The following GRM1 variants were observed in gnomAD, a reference collection of about 807,000 sequenced individuals.
The protein encoded by GRM1 is glutamate metabotropic receptor 1.
GRM1 carries 33 observed loss-of-function variants against 90.9 expected under a neutral mutation model. That is an observed-to-expected ratio of 0.36 (90% confidence interval 0.28 to 0.49). GRM1 has a LOEUF of 0.49. GRM1 is among the 20% of genes least tolerant of loss of function. GRM1 has a pLI of 0.99. For missense variants in GRM1, 1,190 were observed against 1,534.3 expected (o/e 0.78, Z 3.75); for synonymous variants, 700 against 613.2 (o/e 1.14, Z -2.09).
intron 2 of GRM1, among the ~76,000 whole-genome samples, chr6:146,252,526 T>C (rs1180271789): frequency 1.3e-5 from 2 of 151,980 alleles, no homozygotes; most frequent in African/African-American, 4.8e-5. Flanking sequence ...GCAGGAGAAT[T>C]GTTTGAACCC....
At chr6:146,233,509 C>A (rs1780517291) in intron 2 of GRM1, among the ~76,000 whole-genome samples, 1 of 152,036 alleles carries the variant, frequency 6.6e-6, no homozygotes, top group Non-Finnish European at 1.5e-5. Context: ...TTCATTTTTA[C>A]TTAAGCCAAA....
At chr6:146,060,967 T>C (rs113910855) in intron 1 of GRM1, among the ~76,000 whole-genome samples, 1,557 of 152,240 alleles carry the variant, frequency 0.01, 22 homozygotes, top group African/African-American at 0.036. Context: ...TGGTATCTCA[T>C]TGTGGTTTTG....
At chr6:146,224,986 C>A (rs1166753006) in intron 2 of GRM1, among the ~76,000 whole-genome samples, 4 of 152,112 alleles carry the variant, frequency 2.6e-5, no homozygotes, top group African/African-American at 4.8e-5. Context: ...ACAGGAGATG[C>A]ATCCCCTTCA....
Position 146,434,473 on chromosome 6 carries a change from G to A in GRM1, c.3262G>A (p.Glu1088Lys). 1 of 1,614,064 alleles carries A rather than the reference G, an allele frequency of 6.2e-7. No homozygotes were observed. Among genetic ancestry groups the A allele is most frequent in the Non-Finnish European group, 8.5e-7 (1 of 1,180,028 alleles). ...LPLQLSTFGE[E>K]LVSPPADDDD... Reference sequence around the variant, plus strand: ...GCTGCAGCTGAGCACCTTTGGGGAGGAGCTGGTCTCCCCGCCCGCGGACGA... The same window carrying A: ...GCTGCAGCTGAGCACCTTTGGGGAGAAGCTGGTCTCCCCGCCCGCGGACGA... The change falls in exon 8 of 8, where the codon GAG (glutamate) becomes AAG (lysine). Residue 1088 changes from glutamate (E) to lysine (K), a missense_variant. Physicochemically the swap from Glu to Lys is moderately conservative, Grantham distance 56. Around this residue, in one of 10 missense-constraint regions of GRM1, gnomAD observed 400 missense variants for 360.8 expected, o/e 1.11. Transcript: ENST00000282753.
intron 2 of GRM1, among the ~76,000 whole-genome samples, chr6:146,197,357 A>T (rs1779157187): frequency 6.6e-6 from 1 of 152,272 alleles, no homozygotes; most frequent in Non-Finnish European, 1.5e-5. Context: ...CAGAGTCTTT[A>T]AAATGCTAAA....
chr6:146,424,901 C>T (rs1339177260), intron 7 of GRM1, among the ~76,000 whole-genome samples: 2 of 152,174 alleles, frequency 1.3e-5, no homozygotes, highest in East Asian at 1.9e-4. Context: ...TACCTTTATT[C>T]CTGATCATCT....
chr6:146,326,420 C>T (rs917094721), intron 3 of GRM1, among the ~76,000 whole-genome samples: 1 of 152,040 alleles, frequency 6.6e-6, no homozygotes, highest in African/African-American at 2.4e-5. Flanking sequence ...AGGGAAACAA[C>T]ACACACTGGG....
chr6:146,257,794 C>A (rs965269038), intron 2 of GRM1, among the ~76,000 whole-genome samples: 2 of 151,700 alleles, frequency 1.3e-5, no homozygotes, highest in Admixed American at 1.3e-4. Flanking sequence ...GGATGCCTAC[C>A]CACATTGGGG....
chr6:146,345,688 A>G (rs916008263), intron 3 of GRM1, among the ~76,000 whole-genome samples: 3 of 152,110 alleles, frequency 2.0e-5, no homozygotes, highest in Non-Finnish European at 4.4e-5. Flanking sequence ...CCATAAATAA[A>G]TAGAGGTGGT....
rs547655918 is a variant in GRM1 at position 146,295,609 on chromosome 6, T to C, written c.951-9002T>C. Among the ~76,000 whole-genome samples, 3 of 152,292 alleles carry C rather than the reference T, an allele frequency of 2.0e-5. No homozygotes were observed. The East Asian group carries it at 5.8e-4, about 29-fold the overall frequency. On this transcript the variant is annotated intron_variant, in intron 2 of 7. Transcript: ENST00000282753. The stretch of plus-strand genomic sequence containing the variant: ...GCGTAATGCTAGGTTTTGTATCTAG[T>C]TTTAGAATAATTGTCTTTTAAAAGT...
intron 3 of GRM1, among the ~76,000 whole-genome samples, chr6:146,315,822 A>G (rs1032136804): frequency 6.6e-6 from 1 of 152,244 alleles, no homozygotes. Flanking sequence ...ATGAGATTTT[A>G]GTAATTCATG....
At chr6:146,227,748 G>A (rs951043229) in intron 2 of GRM1, among the ~76,000 whole-genome samples, 1 of 152,146 alleles carries the variant, frequency 6.6e-6, no homozygotes, top group South Asian at 2.1e-4. Context: ...ACAGAATGGG[G>A]AAATCTTTTT....
At chr6:146,046,783 T>G (rs1791347492) in intron 1 of GRM1, among the ~76,000 whole-genome samples, 3 of 152,076 alleles carry the variant, frequency 2.0e-5, no homozygotes, top group Non-Finnish European at 2.9e-5. Flanking sequence ...GTTTCCAAAT[T>G]TTATGGGTAC....
At chr6:146,367,095 G>T (rs1297146895) in intron 5 of GRM1, among the ~76,000 whole-genome samples, 1 of 151,996 alleles carries the variant, frequency 6.6e-6, no homozygotes, top group Admixed American at 6.6e-5. Context: ...AGAAATAGGG[G>T]TTTAGTTTTT....
At chr6:146,325,156 T>C (rs1400375560) in intron 3 of GRM1, among the ~76,000 whole-genome samples, 1 of 152,170 alleles carries the variant, frequency 6.6e-6, no homozygotes, top group Middle Eastern at 3.2e-3. Flanking sequence ...TGTCCTGAGT[T>C]TCATGTTTCC....
Position 146,423,001 on chromosome 6 carries a change from G to C in GRM1, c.2661-10871G>C, listed in dbSNP as rs1167912287. On this transcript the variant is annotated intron_variant, in intron 7 of 7. Coordinates refer to ENST00000282753, the MANE Select transcript of GRM1 (RefSeq NM_001278064.2). Reference sequence around the variant, plus strand: ...GGAGGGAAAGAAAGGAAGGAAGGAGGGAAAGAAGAAGGAAGGAGAGAAGGG... The same window carrying C: ...GGAGGGAAAGAAAGGAAGGAAGGAGCGAAAGAAGAAGGAAGGAGAGAAGGG... Among the ~76,000 whole-genome samples the C allele has an allele frequency of 2.0e-5, 3 of 150,094 alleles. No homozygotes were observed. The Admixed American group carries it at 2.0e-4, about 10-fold the overall frequency.
At chr6:146,306,660 T>G in intron 3 of GRM1, among the ~76,000 whole-genome samples, 1 of 151,872 alleles carries the variant, frequency 6.6e-6, no homozygotes, top group Non-Finnish European at 1.5e-5. Flanking sequence ...GGGTAGGGAG[T>G]TTTGCTGAAG....
rs565058520 is a variant in GRM1, at chr6:146,059,584, A to G, written c.700+29367A>G. Among the ~76,000 whole-genome samples, 8 of 152,264 alleles carry G rather than the reference A, an allele frequency of 5.3e-5. No individual in the cohort carries two copies. In the East Asian group the frequency reaches 1.5e-3, roughly 29 times the overall value. Reference sequence around the variant, plus strand: ...TGCATTAGCCCCTAACAAAGAAATCAGCCTGTCCTTTGAAGCTTTGGAGCT... The same window carrying G: ...TGCATTAGCCCCTAACAAAGAAATCGGCCTGTCCTTTGAAGCTTTGGAGCT... On this transcript the variant is annotated intron_variant, in intron 1 of 7. Coordinates refer to ENST00000282753, the MANE Select transcript of GRM1 (RefSeq NM_001278064.2).
intron 2 of GRM1, among the ~76,000 whole-genome samples, chr6:146,265,191 A>T (rs557459380): frequency 6.6e-6 from 1 of 152,290 alleles, no homozygotes; most frequent in African/African-American, 2.4e-5. Context: ...CCTCACCAAC[A>T]TCTGTAGATT....
Sources: gnomAD v4.1 joint callset for allele counts (sites outside exome capture counted in the v4.1 genomes callset) on GRCh38, gnomAD v4.1.1 for gene constraint, gnomAD v4.1.1 regional missense constraint, MANE v1.5 for transcripts, NCBI Gene and HGNC (gene_info 2026-07-23, HGNC 2026-07-21) for gene names.